CREB3L2: variants seen among roughly 807,000 people sequenced by gnomAD.
CREB3L2 encodes the protein cyclic AMP-responsive element-binding protein 3-like protein 2.
In CREB3L2, 23 loss-of-function variants were observed where a neutral mutation model predicts 57.2. That is an observed-to-expected ratio of 0.40 (90% CI 0.29 to 0.57). The LOEUF (loss-of-function observed/expected upper bound fraction) is 0.57. Ranked by LOEUF, CREB3L2 falls within the 20% of genes least tolerant of loss-of-function variation. The pLI, the probability that CREB3L2 is intolerant of heterozygous loss-of-function variation, is 0.42. For synonymous variants in CREB3L2, 268 were observed against 265.1 expected (o/e 1.01, Z -0.11); for missense variants, 628 against 634.7 (o/e 0.99, Z 0.11).
In CREB3L2 at chr7:137,980,507, G is replaced by A. The variant is rs1232776124; in HGVS notation, c.102+21097C>T. On this transcript the variant is annotated intron_variant, in intron 1 of 11. Transcript: ENST00000330387. This position sits in a 1 kb window ranked among gnomAD's most constrained non-coding sequence, Gnocchi z 4.3. ...GTTAAAAAGGTTCCAAACTGGTGGG[G>A]GGCAACCCCAGGCCTAGACAAACAC... is the stretch of plus-strand genomic sequence containing the variant. 1.3e-5 allele frequency among the ~76,000 whole-genome samples: 2 copies of A among 152,160 alleles called. No individual in the cohort carries two copies. Among genetic ancestry groups the A allele is most frequent in the Admixed American group, 6.5e-5 (1 of 15,274 alleles).
intron 1 of CREB3L2, among the ~76,000 whole-genome samples, chr7:137,999,201 G>C (rs976313970): frequency 2.6e-5 from 4 of 151,926 alleles, no homozygotes; most frequent in Non-Finnish European, 5.9e-5. Context: ...TCCAATTTTT[G>C]TTCAGATCCA....
chr7:137,922,414 A>G (rs867338098), intron 2 of CREB3L2, among the ~76,000 whole-genome samples: 3,203 of 29,850 alleles, frequency 0.11, 358 homozygotes, highest in African/African-American at 0.29. Flanking sequence ...ATATATATAT[A>G]TGTATATATA....
rs570971463 is a variant in CREB3L2 at position 137,876,107 on chromosome 7, C to T, written c.*4369G>A. 27 of 232,028 alleles carry T rather than the reference C, an allele frequency of 1.2e-4. No individual in the cohort carries two copies. The highest frequency in any genetic ancestry group is 1.0e-3 in the East Asian group (17 of 16,364). The allele number at this position is 232,028 out of a possible 1,614,324, so 14.4% of individuals were successfully genotyped here. A position where few individuals can be genotyped will look rare whatever the true frequency, so the allele number is the denominator to read the frequency against. On this transcript the variant is annotated 3_prime_UTR_variant, in exon 12 of 12. Transcript: ENST00000330387. ...TGCAAACTGGGATTTTCCTAATGGA[C>T]GTAACCCTATTTCTTTTCTCCTGAT...
At chr7:137,891,330 CT>C (rs1370022605) in intron 8 of CREB3L2, among the ~76,000 whole-genome samples, 1 of 152,220 alleles carries the variant, frequency 6.6e-6, no homozygotes, top group East Asian at 1.9e-4. Context: ...CTTACAATAA[CT>C]GGGAAATGCA....
chr7:137,911,508 C>A (rs1800004399), intron 4 of CREB3L2, among the ~76,000 whole-genome samples: 1 of 152,224 alleles, frequency 6.6e-6, no homozygotes, highest in Admixed American at 6.5e-5. Flanking sequence ...TATTTGTTGA[C>A]CACAGTAGTG....
intron 8 of CREB3L2, among the ~76,000 whole-genome samples, chr7:137,890,345 G>T (rs538848168): frequency 6.6e-6 from 1 of 152,128 alleles, no homozygotes; most frequent in Non-Finnish European, 1.5e-5. Context: ...GTCAAGCCTG[G>T]GCTTTATTTA....
intron 1 of CREB3L2, among the ~76,000 whole-genome samples, chr7:137,954,975 C>A (rs2117276883): frequency 6.6e-6 from 1 of 152,326 alleles, no homozygotes; most frequent in African/African-American, 2.4e-5. Flanking sequence ...GGTCCTGTAA[C>A]TGCCAGAGTC....
intron 1 of CREB3L2, among the ~76,000 whole-genome samples, chr7:137,978,284 G>A (rs1306639091): frequency 6.6e-6 from 1 of 152,132 alleles, no homozygotes; most frequent in Non-Finnish European, 1.5e-5. Flanking sequence ...TATATATAAA[G>A]CAAGAGATTT....
chr7:137,967,644 C>T (rs369287357), intron 1 of CREB3L2, among the ~76,000 whole-genome samples: 30 of 152,326 alleles, frequency 2.0e-4, no homozygotes, highest in East Asian at 7.7e-4. Flanking sequence ...CTTCGATTCT[C>T]TCCCAGACAC....
At chr7:137,951,419 A>G (rs890278594) in intron 1 of CREB3L2, among the ~76,000 whole-genome samples, 6 of 152,248 alleles carry the variant, frequency 3.9e-5, no homozygotes, top group African/African-American at 1.4e-4. Flanking sequence ...ACAAGGTTAT[A>G]TACTGATTAG....
At chr7:137,913,107 T>A (rs751179254) in intron 3 of CREB3L2, 29 bp from the exon 4 acceptor site, 5 of 1,606,780 alleles carry the variant, frequency 3.1e-6, no homozygotes, top group Middle Eastern at 1.7e-4. Context: ...ACACAATTTT[T>A]AAAAACCAAT....
Position 137,880,678 on chromosome 7 carries a change from G to T in CREB3L2, c.1488-127C>A. ...GTGAGACGGCCTGGGCATGTTTCTT[G>T]TCCTTTTCTCTCCTAGTAGCAATTC... On this transcript the variant is annotated intron_variant, in intron 11 of 11. Coordinates refer to ENST00000330387, the MANE Select transcript of CREB3L2 (RefSeq NM_194071.4). The surrounding 1 kb of genome is among the most constrained non-coding windows in gnomAD (Gnocchi z 4.0). 1 of 734,986 alleles carries T rather than the reference G, an allele frequency of 1.4e-6. No individual in the cohort carries two copies. Among genetic ancestry groups the T allele is most frequent in the Non-Finnish European group, 2.4e-6 (1 of 414,662 alleles). The allele number at this position is 734,986 out of a possible 1,614,324, so 45.5% of individuals were successfully genotyped here. A position where few individuals can be genotyped will look rare whatever the true frequency, so the allele number is the denominator to read the frequency against.
chr7:137,913,533 AAAAAAG>A (rs1800061839), intron 3 of CREB3L2, among the ~76,000 whole-genome samples: 1 of 151,746 alleles, frequency 6.6e-6, no homozygotes, highest in Admixed American at 6.6e-5. Flanking sequence ...AAAAAAGAAA[AAAAAAG>A]AAAAAGAAAA....
chr7:137,891,300 C>A (rs773410541), intron 8 of CREB3L2, among the ~76,000 whole-genome samples: 1 of 152,290 alleles, frequency 6.6e-6, no homozygotes, highest in South Asian at 2.1e-4. Flanking sequence ...TCAAAAGAAT[C>A]CAAGAGTGGG....
intron 2 of CREB3L2, 64 bp downstream of exon 2, chr7:137,928,086 A>G (rs1471904036): frequency 3.2e-6 from 4 of 1,253,600 alleles, no homozygotes; most frequent in Non-Finnish European, 4.5e-6. Context: ...TACACACTCC[A>G]CACCCTCAAG....
chr7:137,992,447 G>C (rs1287741790), intron 1 of CREB3L2, among the ~76,000 whole-genome samples: 4 of 152,140 alleles, frequency 2.6e-5, no homozygotes, highest in African/African-American at 9.7e-5. Flanking sequence ...TGGGTGCAGC[G>C]ATAAGAAGGA....
chr7:137,877,121 T>C lies in CREB3L2; in HGVS notation c.*3355A>G. The C allele has an allele frequency of 1.3e-5, 3 of 229,394 alleles. No individual in the cohort carries two copies. The Middle Eastern group carries it at 3.9e-3, about 302-fold the overall frequency. The allele number at this position is 229,394 out of a possible 1,614,324, so 14.2% of individuals were successfully genotyped here. The stretch of plus-strand genomic sequence containing the variant: ...CACTGCCAGAACAAAGAAGAGCCAA[T>C]TCAACATCCCAACTTTACGGGCACG... On this transcript the variant is annotated 3_prime_UTR_variant, in exon 12 of 12. Coordinates refer to ENST00000330387, the MANE Select transcript of CREB3L2 (RefSeq NM_194071.4).
intron 10 of CREB3L2, 38 bp from the exon 11 acceptor site, chr7:137,882,666 A>C (rs1180073655): frequency 2.1e-6 from 3 of 1,430,570 alleles, no homozygotes; most frequent in Non-Finnish European, 2.9e-6. Context: ...TTAGCAAAAG[A>C]CCACAGGGGT....
chr7:137,881,341 T>C (rs1799286881), intron 11 of CREB3L2, among the ~76,000 whole-genome samples: 1 of 152,204 alleles, frequency 6.6e-6, no homozygotes, highest in Admixed American at 6.5e-5. Flanking sequence ...TTTCCGAGCA[T>C]TGACATGACG....
Sources: gnomAD v4.1 joint callset for allele counts (sites outside exome capture counted in the v4.1 genomes callset) on GRCh38, gnomAD v4.1.1 for gene constraint, Gnocchi (gnomAD v3.1) non-coding constraint, MANE v1.5 for transcripts, NCBI Gene and HGNC (gene_info 2026-07-23, HGNC 2026-07-21) for gene names.